Variants in FBXO42 observed in about 807,000 individuals in gnomAD.
FBXO42 encodes the protein F-box protein 42.
A neutral mutation model predicts 71.7 loss-of-function variants in FBXO42; 12 were observed. The observed-to-expected ratio is 0.17, with a 90% CI of 0.11 to 0.27. The LOEUF (loss-of-function observed/expected upper bound fraction) is 0.27, where lower values mean the gene tolerates loss of function less well. FBXO42 is among the 10% of genes least tolerant of loss of function. The probability of loss-of-function intolerance (pLI) is 1.00; values close to 1 mark genes in which losing one functional copy is unlikely to be tolerated. For synonymous variants in FBXO42, 325 were observed against 327.5 expected (o/e 0.99, Z 0.08); for missense variants, 707 against 911.9 (o/e 0.78, Z 2.89).
At position 16,247,338 on chromosome 1, in the gene FBXO42, A is replaced by G. The variant is rs1418846961; in HGVS notation, c.*3332T>C. The G allele has an allele frequency of 6.6e-6, 1 of 152,288 alleles. No individual in the cohort carries two copies. The highest frequency in any genetic ancestry group is 2.4e-5 in the African/African-American group (1 of 41,454). 9.4% of individuals were successfully genotyped at this position (152,288 alleles called of 1,614,324 possible). A position where few individuals can be genotyped will look rare whatever the true frequency, so the allele number is the denominator to read the frequency against. On this transcript the variant is annotated 3_prime_UTR_variant, in exon 10 of 10. Coordinates refer to ENST00000375592, the MANE Select transcript of FBXO42 (RefSeq NM_018994.3). ...TGGATAATGCAAAGTGGAGCATATC[A>G]CCATGCCAGGATCACCACAAGGACA...
chr1:16,321,025 T>G (rs536100793), intron 1 of FBXO42, among the ~76,000 whole-genome samples: 1 of 152,300 alleles, frequency 6.6e-6, no homozygotes, highest in African/African-American at 2.4e-5. Flanking sequence ...TTTACATTAC[T>G]ATTTTTCCCA....
At chr1:16,265,670 A>G (rs1005106996) in intron 4 of FBXO42, among the ~76,000 whole-genome samples, 37 of 152,222 alleles carry the variant, frequency 2.4e-4, no homozygotes, top group African/African-American at 8.9e-4. Flanking sequence ...GAAAAAAAAA[A>G]AGGCAAATTC....
At chr1:16,261,532 T>G (rs1164886326) in intron 4 of FBXO42, among the ~76,000 whole-genome samples, 7 of 152,206 alleles carry the variant, frequency 4.6e-5, no homozygotes, top group African/African-American at 1.7e-4. Flanking sequence ...TTCAGCATCT[T>G]AATTATCTCA....
chr1:16,271,258 G>GGTGTGTGTGTGTGTGTGTGTGT (rs57827739), intron 4 of FBXO42, among the ~76,000 whole-genome samples: 2 of 137,426 alleles, frequency 1.5e-5, no homozygotes, highest in African/African-American at 5.5e-5. Context: ...TGTGTGTGTT[G>GGTGTGTGTGTGTGTGTGTGTGT]GTGTGTGTGT....
intron 1 of FBXO42, among the ~76,000 whole-genome samples, chr1:16,337,677 G>A (rs965255744): frequency 3.3e-5 from 5 of 151,190 alleles, no homozygotes; most frequent in African/African-American, 7.3e-5. Flanking sequence ...GAGGTCAGGA[G>A]TTCAAGACCA....
At chr1:16,302,643 G>A (rs917978762) in intron 3 of FBXO42, among the ~76,000 whole-genome samples, 5 of 152,172 alleles carry the variant, frequency 3.3e-5, no homozygotes, top group Admixed American at 3.3e-4. Context: ...CCAAGTAGCT[G>A]GGACTATAGG....
intron 4 of FBXO42, chr1:16,293,538 A>T (rs2082100805): frequency 1.3e-5 from 2 of 152,150 alleles, no homozygotes; most frequent in Admixed American, 1.3e-4. Context: ...GGCCATCTGC[A>T]GACTGGACCA....
In FBXO42 at chr1:16,252,022, G is replaced by A. The variant is rs1038160853; in HGVS notation, c.1039-237C>T. On this transcript the variant is annotated intron_variant, in intron 9 of 9. Transcript: ENST00000375592. This position sits in a 1 kb window ranked among gnomAD's most constrained non-coding sequence, Gnocchi z 4.4. ...TGTATACAGAAGGGGTGGGGAGAAG[G>A]GAACAATCAATTTTTGTTAGAAGGA... 6.6e-6 allele frequency among the ~76,000 whole-genome samples: 1 copy of A among 152,108 alleles called. No homozygotes were observed. The highest frequency in any genetic ancestry group is 1.5e-5 in the Non-Finnish European group (1 of 68,018).
intron 1 of FBXO42, among the ~76,000 whole-genome samples, chr1:16,319,867 C>T (rs1433925296): frequency 1.3e-5 from 2 of 150,586 alleles, no homozygotes; most frequent in South Asian, 2.1e-4. Flanking sequence ...GCCGAGATTG[C>T]GCCACTGCCC....
At chr1:16,265,694 A>G (rs1460008123) in intron 4 of FBXO42, among the ~76,000 whole-genome samples, 1 of 152,030 alleles carries the variant, frequency 6.6e-6, no homozygotes, top group Non-Finnish European at 1.5e-5. Context: ...GTTCTGAGTA[A>G]TCAAGAAATC....
At chr1:16,288,405 G>C (rs956141433) in intron 4 of FBXO42, among the ~76,000 whole-genome samples, 19 of 151,366 alleles carry the variant, frequency 1.3e-4, no homozygotes, top group Non-Finnish European at 2.7e-4. Flanking sequence ...ACTCCAGCCT[G>C]GTGACAGAGC....
intron 2 of FBXO42, among the ~76,000 whole-genome samples, chr1:16,310,142 C>T (rs572502211): frequency 7.5e-5 from 11 of 145,706 alleles, no homozygotes; most frequent in Middle Eastern, 3.7e-3. Flanking sequence ...TGCAGTGAGC[C>T]GAGATCACAC....
intron 4 of FBXO42, among the ~76,000 whole-genome samples, chr1:16,269,767 C>A (rs1211698894): frequency 6.7e-6 from 1 of 149,992 alleles, no homozygotes; most frequent in Non-Finnish European, 1.5e-5. Flanking sequence ...TCAGGTGATC[C>A]GCCTACCTCG....
At chr1:16,264,218 G>A (rs1171180498) in intron 4 of FBXO42, among the ~76,000 whole-genome samples, 1 of 152,180 alleles carries the variant, frequency 6.6e-6, no homozygotes, top group Non-Finnish European at 1.5e-5. Context: ...TACAGTTATA[G>A]CACATAGGTT....
At chr1:16,301,393 T>G (rs1172412118) in intron 3 of FBXO42, among the ~76,000 whole-genome samples, 1 of 152,032 alleles carries the variant, frequency 6.6e-6, no homozygotes, top group Non-Finnish European at 1.5e-5. Flanking sequence ...CTGGGTGCGG[T>G]GGCTCACACC....
chr1:16,283,545 T>C (rs2100507112), intron 4 of FBXO42, among the ~76,000 whole-genome samples: 1 of 139,246 alleles, frequency 7.2e-6, no homozygotes, highest in South Asian at 2.3e-4. Context: ...TCGCCCAGGC[T>C]GGAGTGCAGT....
chr1:16,306,905 C>CT (rs776645321), intron 2 of FBXO42, among the ~76,000 whole-genome samples: 4 of 150,788 alleles, frequency 2.7e-5, no homozygotes, highest in East Asian at 1.9e-4. Flanking sequence ...AGTTTGTTTT[C>CT]TTTTTTTTTC....
At chr1:16,290,298 T>G (rs1172762723) in intron 4 of FBXO42, among the ~76,000 whole-genome samples, 3 of 152,186 alleles carry the variant, frequency 2.0e-5, no homozygotes, top group Non-Finnish European at 4.4e-5. Context: ...GGTGAAGCCC[T>G]AACGCCAAGG....
intron 4 of FBXO42, among the ~76,000 whole-genome samples, chr1:16,285,710 T>C (rs975185088): frequency 6.6e-6 from 1 of 152,232 alleles, no homozygotes; most frequent in Non-Finnish European, 1.5e-5. Context: ...ATGCAGCTGA[T>C]TATTTCCTCC....
Sources: allele counts gnomAD v4.1 joint callset (sites outside exome capture counted in the v4.1 genomes callset), GRCh38; gene constraint gnomAD v4.1.1; non-coding constraint Gnocchi (gnomAD v3.1); transcripts MANE v1.5; gene names NCBI Gene and HGNC (gene_info 2026-07-23, HGNC 2026-07-21).